The following ZNF841 variants were observed in gnomAD, a reference collection of about 807,000 sequenced individuals.
ZNF841 encodes TCONS_00006091.
In ZNF841, 11 loss-of-function variants were observed where a neutral mutation model predicts 13.0. That is an observed-to-expected ratio of 0.85 (90% confidence interval 0.53 to 1.40). ZNF841 has a LOEUF of 1.40. Among genes scored for constraint, ZNF841 ranks in the 40% most tolerant of loss-of-function variants. The pLI is 0.00. For missense variants in ZNF841, 1,068 were observed against 1,139.5 expected (o/e 0.94, Z 0.90); for synonymous variants, 369 against 381.6 (o/e 0.97, Z 0.38).
At chr19:52,081,958 A>G (rs75962384) in intron 4 of ZNF841, among the ~76,000 whole-genome samples, 7,999 of 152,288 alleles carry the variant, frequency 0.053, 674 homozygotes, top group African/African-American at 0.18. Context: ...AGAAGAAGGA[A>G]TCAGTGAACT....
chr19:52,075,456 G>C (rs1341175885), intron 6 of ZNF841, among the ~76,000 whole-genome samples: 6 of 152,176 alleles, frequency 3.9e-5, no homozygotes, highest in Admixed American at 3.9e-4. Flanking sequence ...TCATTCCCGT[G>C]TCACAAACCC....
chr19:52,072,388 A>G (rs147190258), intron 6 of ZNF841, among the ~76,000 whole-genome samples: 73 of 152,342 alleles, frequency 4.8e-4, no homozygotes, highest in African/African-American at 1.7e-3. Flanking sequence ...ATTTTTCAGA[A>G]CTGCACATGA....
chr19:52,064,972 C>G lies in ZNF841; in HGVS notation c.*135G>C, dbSNP rs1177879366. ...CAGCAACAAGGGGATGGTACTAAAA[C>G]TTTCTTGAGAAAGCCACCCCCATCA... On this transcript the variant is annotated 3_prime_UTR_variant, in exon 7 of 7. Transcript: ENST00000594440. 1.4e-6 allele frequency: 1 copy of G among 736,546 alleles called. No homozygotes were observed. The highest frequency in any genetic ancestry group is 2.9e-5 in the East Asian group (1 of 35,036). The allele number at this position is 736,546 out of a possible 1,614,324, so 45.6% of individuals were successfully genotyped here.
intron 4 of ZNF841, among the ~76,000 whole-genome samples, chr19:52,081,923 A>C (rs1216097706): frequency 6.6e-6 from 1 of 152,220 alleles, no homozygotes; most frequent in African/African-American, 2.4e-5. Context: ...TCGCTAGATG[A>C]ATTCAACAGC....
In ZNF841 at chr19:52,065,644, A is replaced by T. The variant is rs1351128650; in HGVS notation, c.2238T>A (p.Phe746Leu). The T allele has an allele frequency of 6.2e-7, 1 of 1,607,508 alleles. No individual in the cohort carries two copies. Among genetic ancestry groups the T allele is most frequent in the South Asian group, 1.1e-5 (1 of 90,476 alleles). The change falls in exon 7 of 7, where the codon TTT becomes TTA. Residue 746 changes from phenylalanine to leucine, a missense_variant. Physicochemically the swap from Phe to Leu is conservative, Grantham distance 22 (BLOSUM62 0). Coordinates refer to ENST00000594440, the MANE Select transcript of ZNF841 (RefSeq NM_001136499.2). Reference sequence around the variant, plus strand: ...GCCTTGCCAGGGTTGTAGTGGAGTTAAAGACTTTCCCACATTCAATACATT... The same window carrying T: ...GCCTTGCCAGGGTTGTAGTGGAGTTTAAGACTTTCCCACATTCAATACATT... ...PYKCIECGKV[F>L]NSTTTLARHR...
In ZNF841 at chr19:52,065,126, G is replaced by A. The variant is rs1398122361; in HGVS notation, c.2756C>T (p.Thr919Ile). 3 of 1,540,626 alleles carry A rather than the reference G, an allele frequency of 1.9e-6. No homozygotes were observed. The Admixed American group carries it at 6.2e-5, about 32-fold the overall frequency. The part of the protein sequence containing the change: ...NVERPLDVVL[T>I]SGIPK ...TATAAATTATTTGGGGATCCCAGAGGTTAGGACAACATCTAACGGCCTTTC... is the reference window on the plus strand; with the variant it reads ...TATAAATTATTTGGGGATCCCAGAGATTAGGACAACATCTAACGGCCTTTC... Residue 919 changes from threonine (T) to isoleucine (I), a missense_variant, in exon 7 of 7, where the codon ACC (threonine) becomes ATC (isoleucine). By Grantham distance (89) the Thr-to-Ile change is moderately conservative (BLOSUM62 -1). Transcript: ENST00000594440.
chr19:52,079,995 G>GA (rs750531184), intron 4 of ZNF841, among the ~76,000 whole-genome samples: 21,394 of 110,784 alleles, frequency 0.19, 2,388 homozygotes, highest in East Asian at 0.39. Flanking sequence ...CCATCTCAGG[G>GA]AAAAAAAAAA....
intron 6 of ZNF841, among the ~76,000 whole-genome samples, chr19:52,075,345 A>G (rs1192336405): frequency 6.6e-6 from 1 of 152,242 alleles, no homozygotes; most frequent in Non-Finnish European, 1.5e-5. Flanking sequence ...AAGAGTGTGA[A>G]GACAGAGATA....
chr19:52,083,984 A>C (rs763276412), intron 4 of ZNF841, among the ~76,000 whole-genome samples: 9 of 151,920 alleles, frequency 5.9e-5, no homozygotes, highest in Admixed American at 1.3e-4. Context: ...TATATATATC[A>C]TGTGATGTTT....
chr19:52,063,427 GC>G (rs2087439305), downstream of ZNF841, among the ~76,000 whole-genome samples: 1 of 152,068 alleles, frequency 6.6e-6, no homozygotes, highest in Non-Finnish European at 1.5e-5. Flanking sequence ...TCGGCTTACA[GC>G]AACCTCCACA....
chr19:52,076,902 A>C, intron 5 of ZNF841, 56 bp downstream of exon 5: 1 of 1,596,512 alleles, frequency 6.3e-7, no homozygotes, highest in Non-Finnish European at 8.6e-7. Context: ...CACAATAAGG[A>C]AAGTACAAAA....
intron 6 of ZNF841, among the ~76,000 whole-genome samples, chr19:52,073,919 G>A (rs920015684): frequency 3.3e-5 from 5 of 152,164 alleles, no homozygotes; most frequent in East Asian, 3.9e-4. Context: ...AACAAAGAAC[G>A]ATCAATCTAT....
chr19:52,067,776 G>C (rs2087629126), intron 6 of ZNF841, among the ~76,000 whole-genome samples, 166 bp from the exon 7 acceptor site: 1 of 152,062 alleles, frequency 6.6e-6, no homozygotes, highest in Admixed American at 6.6e-5. Context: ...GAATTCTATA[G>C]TAAAGAAAAA....
chr19:52,076,650 CAA>C (rs35136245), intron 5 of ZNF841, among the ~76,000 whole-genome samples: 33 of 108,954 alleles, frequency 3.0e-4, no homozygotes, highest in Admixed American at 4.7e-4. Flanking sequence ...GAGACTGTGT[CAA>C]AAAAAAAAAA....
Position 52,077,231 on chromosome 19 carries a change from C to T in ZNF841, c.16-147G>A, listed in dbSNP as rs2087933876. On this transcript the variant is annotated intron_variant, in intron 4 of 6. Coordinates refer to ENST00000594440, the MANE Select transcript of ZNF841 (RefSeq NM_001136499.2). ...AGTATCTGTGAGATAATTACGTCTC[C>T]CTGATTTTGGGTTTTATAAAATTCA... 3.2e-6 allele frequency: 3 copies of T among 923,134 alleles called. No individual in the cohort carries two copies. The Admixed American group carries it at 1.0e-4, about 32-fold the overall frequency. 57.2% of individuals were successfully genotyped at this position (923,134 alleles called of 1,614,324 possible).
rs555331526 is a variant in ZNF841 at position 52,081,233 on chromosome 19, T to G, written c.15+3554A>C. On this transcript the variant is annotated intron_variant, in intron 4 of 6. Coordinates refer to ENST00000594440, the MANE Select transcript of ZNF841 (RefSeq NM_001136499.2). ...CTTATAATAGCTAATACAATGTAAA[T>G]GCTACATAAGTAGTTGTTATACTGC... 3.3e-5 allele frequency among the ~76,000 whole-genome samples: 5 copies of G among 152,330 alleles called. No homozygotes were observed. The East Asian group carries it at 9.6e-4, about 29-fold the overall frequency.
intron 6 of ZNF841, among the ~76,000 whole-genome samples, chr19:52,070,524 G>A (rs575079942): frequency 1.3e-5 from 2 of 152,346 alleles, no homozygotes; most frequent in Admixed American, 6.5e-5. Context: ...TATGGCAGTA[G>A]ATAACCCTGG....
At chr19:52,061,514 T>C (rs1370267723), downstream of ZNF841, among the ~76,000 whole-genome samples, 1 of 150,332 alleles carries the variant, frequency 6.7e-6, no homozygotes, top group African/African-American at 2.4e-5. Context: ...AGTTCTAAGG[T>C]AGAATTAGAT....
At chr19:52,084,672 G>T in intron 4 of ZNF841, 115 bp downstream of exon 4, 1 of 1,139,772 alleles carries the variant, frequency 8.8e-7, no homozygotes, top group Non-Finnish European at 1.3e-6. Context: ...GCATGGGTGA[G>T]TGCGAGCAAA....
Sources: gnomAD v4.1 joint callset for allele counts (sites outside exome capture counted in the v4.1 genomes callset) on GRCh38, gnomAD v4.1.1 for gene constraint, MANE v1.5 for transcripts, NCBI Gene and HGNC (gene_info 2026-07-23, HGNC 2026-07-21) for gene names.